The following CHODL variants were observed in gnomAD, a reference collection of about 807,000 sequenced individuals.
The protein encoded by CHODL is chondrolectin, also known as transmembrane protein MT75.
Under a neutral mutation model 34.5 loss-of-function variants are expected in CHODL, and 29 were observed. That is an observed-to-expected ratio of 0.84 (90% CI 0.63 to 1.15). The LOEUF is 1.15. Ranked by LOEUF, CHODL falls within the 50% of genes most tolerant of loss-of-function variation. The pLI is 0.00. For missense variants in CHODL, 332 were observed against 332.5 expected, an observed-to-expected ratio of 1.00 and a Z score of 0.01; for synonymous variants, 125 against 116.1, an observed-to-expected ratio of 1.08 and a Z score of -0.49.
At chr21:18,033,610 A>C (rs2824608) in intron 2 of CHODL, among the ~76,000 whole-genome samples, 2 of 151,790 alleles carry the variant, frequency 1.3e-5, no homozygotes, top group Admixed American at 1.3e-4. Flanking sequence ...GGAACTTAAT[A>C]GTTTACACCC....
intron 2 of CHODL, among the ~76,000 whole-genome samples, chr21:18,238,998 A>C (rs1205696355): frequency 6.6e-6 from 1 of 152,098 alleles, no homozygotes; most frequent in Non-Finnish European, 1.5e-5. Context: ...CTACCTTATG[A>C]ATTTTTGTGT....
At chr21:18,214,377 C>T (rs2073802877) in intron 2 of CHODL, among the ~76,000 whole-genome samples, 1 of 152,074 alleles carries the variant, frequency 6.6e-6, no homozygotes, top group Non-Finnish European at 1.5e-5. Flanking sequence ...TACTAGACTG[C>T]ATGCTTAGAA....
intron 2 of CHODL, among the ~76,000 whole-genome samples, chr21:18,229,520 A>G (rs891140116): frequency 2.1e-5 from 3 of 145,186 alleles, no homozygotes; most frequent in Non-Finnish European, 4.5e-5. Flanking sequence ...GCATGTTTAA[A>G]GCTGCTGTGT....
chr21:17,987,854 A>G (rs565707847), intron 1 of CHODL, among the ~76,000 whole-genome samples: 25 of 152,294 alleles, frequency 1.6e-4, no homozygotes, highest in African/African-American at 5.8e-4. Context: ...TATGTATTTA[A>G]TGTGAATAAC....
intron 2 of CHODL, among the ~76,000 whole-genome samples, chr21:18,070,169 A>G (rs2064786028): frequency 6.6e-6 from 1 of 151,460 alleles, no homozygotes. Flanking sequence ...CTCACACATC[A>G]CCACTAAAGA....
intron 2 of CHODL, among the ~76,000 whole-genome samples, chr21:18,031,281 G>C (rs1280845093): frequency 3.9e-5 from 6 of 152,022 alleles, no homozygotes; most frequent in Non-Finnish European, 8.8e-5. Context: ...TTAACCTGTG[G>C]GAGATTCCTT....
At chr21:18,097,403 A>G (rs992340602) in intron 2 of CHODL, among the ~76,000 whole-genome samples, 1 of 152,294 alleles carries the variant, frequency 6.6e-6, no homozygotes, top group African/African-American at 2.4e-5. Flanking sequence ...ATACACAAAA[A>G]TCATTAGCAT....
rs1271673104 is a variant in CHODL, at chr21:18,070,037, C to G, written c.-45+42066C>G. Among the ~76,000 whole-genome samples, 4 of 59,772 alleles carry G rather than the reference C, an allele frequency of 6.7e-5. 1 individual carries two copies. The South Asian group carries it at 1.8e-3, about 27-fold the overall frequency. 39.2% of individuals were successfully genotyped at this position (59,772 alleles called of 152,430 possible). A position where few individuals can be genotyped will look rare whatever the true frequency, so the allele number is the denominator to read the frequency against. ...CCCTTCCCTTCCCTCCCCCCCCCCA[C>G]CCATTTCCTTTGCTTTCCTGTTTGT... On this transcript the variant is annotated intron_variant, in intron 2 of 6. Coordinates refer to the CHODL transcript ENST00000400127.
chr21:17,927,186 G>GTATATATGTATATATGTATATATATA (rs1429793617), intron 1 of CHODL, among the ~76,000 whole-genome samples: 2 of 146,012 alleles, frequency 1.4e-5, no homozygotes, highest in Non-Finnish European at 3.0e-5. Context: ...GTATATATAT[G>GTATATATGTATATATGTATATATATA]TATATGTATG....
chr21:18,249,108 T>A (rs1405632604), intron 1 of CHODL, among the ~76,000 whole-genome samples: 1 of 117,492 alleles, frequency 8.5e-6, no homozygotes, highest in Non-Finnish European at 1.6e-5. Context: ...TATATAATAA[T>A]ATATATATAA....
At chr21:18,148,477 TGGG>T (rs755852321) in intron 2 of CHODL, among the ~76,000 whole-genome samples, 23 of 152,060 alleles carry the variant, frequency 1.5e-4, no homozygotes, top group East Asian at 3.9e-4. Flanking sequence ...GTTGGGGACT[TGGG>T]GGAGAATTTG....
chr21:18,045,712 G>C (rs2064434036), intron 2 of CHODL, among the ~76,000 whole-genome samples: 1 of 151,932 alleles, frequency 6.6e-6, no homozygotes, highest in Admixed American at 6.6e-5. Flanking sequence ...AGTATTAAGA[G>C]GTGTGACCTT....
chr21:18,088,956 G>A (rs2065039965), intron 2 of CHODL, among the ~76,000 whole-genome samples: 1 of 152,092 alleles, frequency 6.6e-6, no homozygotes. Flanking sequence ...CTGCCAAATG[G>A]GTTAATTTAT....
intron 1 of CHODL, among the ~76,000 whole-genome samples, chr21:18,255,078 G>A (rs114730719): frequency 0.023 from 3,474 of 152,108 alleles, 135 homozygotes; most frequent in African/African-American, 0.08. Flanking sequence ...TGTCAGGATA[G>A]GTGGTTAGGT....
chr21:17,933,491 C>G (rs1474344310), intron 1 of CHODL, among the ~76,000 whole-genome samples: 1 of 152,188 alleles, frequency 6.6e-6, no homozygotes, highest in Non-Finnish European at 1.5e-5. Flanking sequence ...GCACATCTTG[C>G]ATAGCCCTTA....
chr21:17,945,175 G>C (rs2063396415), intron 1 of CHODL, among the ~76,000 whole-genome samples: 1 of 147,466 alleles, frequency 6.8e-6, no homozygotes, highest in South Asian at 2.1e-4. Flanking sequence ...TCGCTCCACT[G>C]CACTCCAGCC....
intron 2 of CHODL, among the ~76,000 whole-genome samples, chr21:18,125,994 A>G (rs1346119850): frequency 1.3e-5 from 2 of 152,234 alleles, no homozygotes; most frequent in Non-Finnish European, 2.9e-5. Context: ...AAATTGATGC[A>G]ACAAACTTCA....
chr21:18,009,149 T>C (rs1292908100), intron 1 of CHODL, among the ~76,000 whole-genome samples: 2 of 152,240 alleles, frequency 1.3e-5, no homozygotes, highest in African/African-American at 4.8e-5. Flanking sequence ...ACTGTACTTA[T>C]GATTTTTTTC....
chr21:18,116,155 C>G (rs2065410250), intron 2 of CHODL, among the ~76,000 whole-genome samples: 1 of 152,098 alleles, frequency 6.6e-6, no homozygotes, highest in South Asian at 2.1e-4. Flanking sequence ...CTTGAATGAT[C>G]TAATCTTCTC....
Sources: gnomAD v4.1 joint callset for allele counts (sites outside exome capture counted in the v4.1 genomes callset) on GRCh38, gnomAD v4.1.1 for gene constraint, MANE v1.5 for transcripts, NCBI Gene and HGNC (gene_info 2026-07-23, HGNC 2026-07-21) for gene names.